The following WWP2 variants were observed in gnomAD, a reference collection of about 807,000 sequenced individuals.
The protein encoded by WWP2 is NEDD4-like E3 ubiquitin-protein ligase WWP2.
Under a neutral mutation model 121.0 loss-of-function variants are expected in WWP2, and 57 were observed. That is an observed-to-expected ratio of 0.47 (90% CI 0.38 to 0.59). The LOEUF (loss-of-function observed/expected upper bound fraction) is 0.59. Among genes scored for constraint, WWP2 ranks in the 20% least tolerant of loss-of-function variants. The pLI, the probability that WWP2 is intolerant of heterozygous loss-of-function variation, is 0.00. For synonymous variants in WWP2, 449 were observed against 441.3 expected (o/e 1.02, Z -0.22); for missense variants, 962 against 1,158.9 (o/e 0.83, Z 2.47).
intron 6 of WWP2, among the ~76,000 whole-genome samples, chr16:69,845,055 A>G (rs1385394589): frequency 6.6e-6 from 1 of 152,152 alleles, no homozygotes; most frequent in African/African-American, 2.4e-5. Context: ...TGGAATCAGG[A>G]GATGCAGATC....
intron 19 of WWP2, chr16:69,936,805 C>A: frequency 2.1e-6 from 1 of 471,462 alleles, no homozygotes; most frequent in South Asian, 2.6e-5. Context: ...TGTGCCCGTT[C>A]TCCGTGCCTG....
chr16:69,870,803 G>T (rs1286722905), intron 6 of WWP2, among the ~76,000 whole-genome samples: 1 of 152,178 alleles, frequency 6.6e-6, no homozygotes, highest in Non-Finnish European at 1.5e-5. Context: ...GGACAGGGAG[G>T]CTTAGACATT....
At chr16:69,888,421 TA>T (rs1246845851) in intron 8 of WWP2, among the ~76,000 whole-genome samples, 172 bp downstream of exon 8, 7 of 152,160 alleles carry the variant, frequency 4.6e-5, no homozygotes, top group Admixed American at 2.6e-4. Context: ...ACATAAATCT[TA>T]AAAAGAATCT....
At chr16:69,870,316 G>A in intron 6 of WWP2, among the ~76,000 whole-genome samples, 1 of 70,514 alleles carries the variant, frequency 1.4e-5, no homozygotes, top group East Asian at 4.8e-4. Context: ...TTTTTTTTTT[G>A]GAGACACTCT....
intron 6 of WWP2, among the ~76,000 whole-genome samples, chr16:69,848,659 A>AAAG: frequency 6.6e-6 from 1 of 151,424 alleles, no homozygotes; most frequent in Middle Eastern, 3.4e-3. Context: ...AAAAAAAAAA[A>AAAG]AAGAAGCTAT....
chr16:69,867,161 CCAAA>C (rs2057541746), intron 6 of WWP2, among the ~76,000 whole-genome samples: 1 of 147,636 alleles, frequency 6.8e-6, no homozygotes, highest in Non-Finnish European at 1.5e-5. Context: ...TTTTTTTAAA[CCAAA>C]CAAACAAAAT....
intron 4 of WWP2, among the ~76,000 whole-genome samples, chr16:69,809,365 G>A (rs953840876): frequency 6.6e-6 from 1 of 152,186 alleles, no homozygotes; most frequent in Admixed American, 6.6e-5. Context: ...TTGAATCTCA[G>A]AGATGGACCA....
rs748898465 is a variant in WWP2, at chr16:69,840,328, G to T, written c.478+65G>T. 3.7e-6 allele frequency: 6 copies of T among 1,601,832 alleles called. No homozygotes were observed. The African/African-American group carries it at 5.4e-5, about 14-fold the overall frequency. ...GGTGGGGCTGGGCGGGGGCCAGGAG[G>T]TGCTGAGAGCTTGGTTCTTACTAGG... is the stretch of plus-strand genomic sequence containing the variant. On this transcript the variant is annotated intron_variant, in intron 5 of 23. Transcript: ENST00000359154.
At position 69,931,882 on chromosome 16, in the gene WWP2, C is replaced by A; in HGVS notation, c.1674C>A (p.Gly558=). 6.2e-7 allele frequency: 1 copy of A among 1,613,016 alleles called. No individual in the cohort carries two copies. Among genetic ancestry groups the A allele is most frequent in the Non-Finnish European group, 8.5e-7 (1 of 1,179,790 alleles). The stretch of plus-strand genomic sequence containing the variant: ...GCGAGGAGGGCCTGGACTATGGGGG[C>A]ATCGCCAGGTGAGCTTGAGTGCCCC... ...MRGEEGLDYG[G]IAREWFFLLS... The change falls in exon 16 of 24, where the codon GGC becomes GGA. Residue 558 remains glycine (G), a synonymous_variant. Coordinates refer to ENST00000359154, the MANE Select transcript of WWP2 (RefSeq NM_001270454.2).
chr16:69,926,659 A>G (rs1277530627), intron 11 of WWP2, among the ~76,000 whole-genome samples: 1 of 151,958 alleles, frequency 6.6e-6, no homozygotes, highest in Non-Finnish European at 1.5e-5. Flanking sequence ...CTGATTGGAG[A>G]GATCATTTAG....
intron 6 of WWP2, among the ~76,000 whole-genome samples, chr16:69,852,429 G>A (rs1460394781): frequency 2.0e-5 from 3 of 151,972 alleles, no homozygotes; most frequent in African/African-American, 7.2e-5. Context: ...CTGCCACCAC[G>A]CCCAGCTAAT....
intron 4 of WWP2, among the ~76,000 whole-genome samples, chr16:69,819,910 C>T (rs2056562287): frequency 1.3e-5 from 2 of 152,180 alleles, no homozygotes; most frequent in African/African-American, 4.8e-5. Context: ...TACTTTGTGT[C>T]TCTGTAGATT....
At chr16:69,931,306 G>T in intron 14 of WWP2, 79 bp downstream of exon 14, 3 of 1,571,142 alleles carry the variant, frequency 1.9e-6, no homozygotes, top group Non-Finnish European at 2.6e-6. Context: ...ACAGCAGCAG[G>T]TATCGGAATG....
intron 6 of WWP2, among the ~76,000 whole-genome samples, chr16:69,862,383 G>A (rs923676973): frequency 3.3e-5 from 5 of 150,002 alleles, no homozygotes; most frequent in East Asian, 2.0e-4. Context: ...GTTTTTTTGA[G>A]ATGGAGTCTC....
In WWP2 at chr16:69,929,378, G is replaced by A. The variant is rs1819967825; in HGVS notation, c.1235-70G>A. ...CTCAGACCCAGCACCCAGGAGGTGG[G>A]AACCTCAGGGAAAGGACACCGGCTC... is the stretch of plus-strand genomic sequence containing the variant. On this transcript the variant is annotated intron_variant, in intron 11 of 23. Coordinates refer to ENST00000359154, the MANE Select transcript of WWP2 (RefSeq NM_001270454.2). The A allele has an allele frequency of 2.1e-6, 3 of 1,437,696 alleles. No individual in the cohort carries two copies. The East Asian group carries it at 6.9e-5, about 33-fold the overall frequency. The allele number at this position is 1,437,696 out of a possible 1,614,324, so 89.1% of individuals were successfully genotyped here.
At chr16:69,822,075 T>G (rs74338582) in intron 4 of WWP2, among the ~76,000 whole-genome samples, 1 of 151,952 alleles carries the variant, frequency 6.6e-6, no homozygotes, top group Non-Finnish European at 1.5e-5. Flanking sequence ...CTTTGTTGCC[T>G]GAGCTGGTCT....
At position 69,888,313 on chromosome 16, in the gene WWP2, G is replaced by T; in HGVS notation, c.914+64G>T. ...CAAAGACTGAGGCTCCTTTACGGGG[G>T]TGGAAACAACGTGGTTATTTATTAC... On this transcript the variant is annotated intron_variant, in intron 8 of 23. Coordinates refer to ENST00000359154, the MANE Select transcript of WWP2 (RefSeq NM_001270454.2). 4 of 1,528,610 alleles carry T rather than the reference G, an allele frequency of 2.6e-6. No individual in the cohort carries two copies. In the East Asian group the frequency reaches 7.0e-5, roughly 27 times the overall value. The allele number at this position is 1,528,610 out of a possible 1,614,324, so 94.7% of individuals were successfully genotyped here.
At chr16:69,853,768 G>A (rs768828029) in intron 6 of WWP2, among the ~76,000 whole-genome samples, 1 of 152,212 alleles carries the variant, frequency 6.6e-6, no homozygotes, top group Non-Finnish European at 1.5e-5. Flanking sequence ...GCTGGCTAAT[G>A]AGACAAGGTG....
At position 69,925,089 on chromosome 16, in the gene WWP2, C is replaced by CCTGCTT; in HGVS notation, c.1180-339_1180-334dup. ...AGCTGAGCGGAGGCACTGGGCCGAG[C>CCTGCTT]CTGCTTCCCGGGCCTTCCTACCATG... On this transcript the variant is annotated intron_variant, in intron 10 of 23. Transcript: ENST00000359154. The surrounding 1 kb of genome is among the most constrained non-coding windows in gnomAD (Gnocchi z 4.0). 9.4e-7 allele frequency: 1 copy of CCTGCTT among 1,062,670 alleles called. No individual in the cohort carries two copies. The allele number at this position is 1,062,670 out of a possible 1,614,324, so 65.8% of individuals were successfully genotyped here.
Sources: allele counts gnomAD v4.1 joint callset (sites outside exome capture counted in the v4.1 genomes callset), GRCh38; gene constraint gnomAD v4.1.1; non-coding constraint Gnocchi (gnomAD v3.1); transcripts MANE v1.5; gene names NCBI Gene and HGNC (gene_info 2026-07-23, HGNC 2026-07-21).